Variants in AGTPBP1 observed in about 807,000 individuals in gnomAD.
The protein encoded by AGTPBP1 is cytosolic carboxypeptidase 1.
A neutral mutation model predicts 143.9 loss-of-function variants in AGTPBP1; 70 were observed. The observed-to-expected ratio is 0.49, with a 90% CI of 0.40 to 0.59. The LOEUF (loss-of-function observed/expected upper bound fraction) is 0.59, where lower values mean the gene tolerates loss of function less well. AGTPBP1 is among the 20% of genes least tolerant of loss of function. AGTPBP1 has a pLI of 0.00. For synonymous variants in AGTPBP1, 463 were observed against 500.2 expected (o/e 0.93, Z 0.99); for missense variants, 1,229 against 1,464.5 (o/e 0.84, Z 2.62).
upstream of AGTPBP1, among the ~76,000 whole-genome samples, chr9:85,745,658 G>A (rs571769446): frequency 3.5e-4 from 54 of 152,152 alleles, no homozygotes; most frequent in Non-Finnish European, 6.2e-4. Context: ...GTGGCAAATG[G>A]TTTCCATGGT....
the AGTPBP1 span, among the ~76,000 whole-genome samples, chr9:85,771,305 A>C: frequency 6.6e-6 from 1 of 152,118 alleles, no homozygotes; most frequent in African/African-American, 2.4e-5. Context: ...TTGAGATCCT[A>C]TCTTTACAAA....
the AGTPBP1 span, among the ~76,000 whole-genome samples, chr9:85,757,899 C>CA: frequency 1.3e-5 from 2 of 151,980 alleles, no homozygotes; most frequent in African/African-American, 2.4e-5. Flanking sequence ...TGTGATAAGT[C>CA]AAAAAAACTC....
At chr9:85,697,373 C>T (rs1013203924) in intron 2 of AGTPBP1, among the ~76,000 whole-genome samples, 21 of 136,022 alleles carry the variant, frequency 1.5e-4, no homozygotes, top group African/African-American at 6.1e-4. Context: ...ATATGTTATG[C>T]AGTGGGTTTA....
chr9:85,648,798 C>T (rs556158215), intron 11 of AGTPBP1, among the ~76,000 whole-genome samples: 4 of 151,846 alleles, frequency 2.6e-5, no homozygotes, highest in Admixed American at 6.6e-5. Flanking sequence ...GGCAACAGTG[C>T]GAGACTCCGT....
At chr9:85,791,505 A>G in the AGTPBP1 span, 1 of 152,166 alleles carries the variant, frequency 6.6e-6, no homozygotes, top group African/African-American at 2.4e-5. Context: ...TCCCACAATG[A>G]TCCAGGATTC....
At chr9:85,555,097 G>T (rs894020618) in intron 25 of AGTPBP1, among the ~76,000 whole-genome samples, 1 of 152,136 alleles carries the variant, frequency 6.6e-6, no homozygotes, top group Non-Finnish European at 1.5e-5. Context: ...AACGAATGTG[G>T]CAGATGCAAC....
chr9:85,596,290 A>G, intron 18 of AGTPBP1, 72 bp downstream of exon 18: 1 of 1,031,600 alleles, frequency 9.7e-7, no homozygotes, highest in Non-Finnish European at 1.4e-6. Flanking sequence ...GTTTCCTTTT[A>G]CACTGAAACA....
the AGTPBP1 span, among the ~76,000 whole-genome samples, chr9:85,758,553 A>G: frequency 2.0e-5 from 3 of 152,158 alleles, no homozygotes; most frequent in East Asian, 1.9e-4. Context: ...CTGAGGCAGG[A>G]GAATCACTTG....
intron 23 of AGTPBP1, among the ~76,000 whole-genome samples, chr9:85,583,206 C>A (rs572080942): frequency 1.3e-5 from 2 of 152,138 alleles, no homozygotes; most frequent in African/African-American, 4.8e-5. Flanking sequence ...ACCCAGTGAG[C>A]GCTACCTTCG....
the AGTPBP1 span, among the ~76,000 whole-genome samples, chr9:85,782,016 A>T: frequency 1.3e-5 from 2 of 152,238 alleles, no homozygotes; most frequent in Admixed American, 1.3e-4. Context: ...CATTTTATAA[A>T]AGAATTAGCT....
At chr9:85,567,293 T>C (rs751824746) in intron 25 of AGTPBP1, among the ~76,000 whole-genome samples, 18 of 152,274 alleles carry the variant, frequency 1.2e-4, no homozygotes, top group East Asian at 3.9e-4. Flanking sequence ...CCATAGGATA[T>C]ACAAGAAAAT....
intron 3 of AGTPBP1, among the ~76,000 whole-genome samples, chr9:85,682,215 T>C (rs992981391): frequency 1.3e-5 from 2 of 150,288 alleles, no homozygotes; most frequent in Admixed American, 6.6e-5. Context: ...TTATTTCTAT[T>C]AGGTGAAGGT....
intron 13 of AGTPBP1, among the ~76,000 whole-genome samples, chr9:85,636,498 T>A (rs1343911979): frequency 6.6e-6 from 1 of 151,838 alleles, no homozygotes; most frequent in Non-Finnish European, 1.5e-5. Flanking sequence ...GACTTTGTGA[T>A]CCCCCCTCTT....
chr9:85,712,039 G>A (rs1837412420), intron 2 of AGTPBP1, among the ~76,000 whole-genome samples: 2 of 152,108 alleles, frequency 1.3e-5, no homozygotes, highest in African/African-American at 2.4e-5. Context: ...CAAGGCGGGT[G>A]GATCACCTGA....
intron 3 of AGTPBP1, among the ~76,000 whole-genome samples, chr9:85,691,314 G>T (rs1835859360): frequency 6.6e-6 from 1 of 151,858 alleles, no homozygotes; most frequent in Admixed American, 6.6e-5. Context: ...TAAATATAAG[G>T]GTCTATGACC....
rs1175979006 is a variant in AGTPBP1 at position 85,741,534 on chromosome 9, T to A, written c.-34+241A>T. Reference sequence around the variant, plus strand: ...GGGGATCCACCGAGGGTCCGGGGACTGGGGAAGGCGTTTTCCAGACCCAGT... The same window carrying A: ...GGGGATCCACCGAGGGTCCGGGGACAGGGGAAGGCGTTTTCCAGACCCAGT... On this transcript the variant is annotated intron_variant, in intron 1 of 25. Transcript: ENST00000357081. The A allele has an allele frequency of 2.0e-6, 2 of 985,256 alleles. 1 individual carries two copies. The highest frequency in any genetic ancestry group is 9.4e-5 in the South Asian group (2 of 21,292). 61.0% of individuals were successfully genotyped at this position (985,256 alleles called of 1,614,324 possible). A position where few individuals can be genotyped will look rare whatever the true frequency, so the allele number is the denominator to read the frequency against.
At chr9:85,725,319 T>G (rs1441140726) in intron 1 of AGTPBP1, among the ~76,000 whole-genome samples, 1 of 152,156 alleles carries the variant, frequency 6.6e-6, no homozygotes, top group Non-Finnish European at 1.5e-5. Flanking sequence ...AAAAAAAAAT[T>G]TTTTTAACTT....
chr9:85,689,232 G>T (rs1329580965), intron 3 of AGTPBP1, among the ~76,000 whole-genome samples: 3 of 152,036 alleles, frequency 2.0e-5, no homozygotes, highest in African/African-American at 4.8e-5. Flanking sequence ...GTGTGCTAAA[G>T]GGCAGAGACT....
At chr9:85,637,674 C>T (rs1832161391) in intron 13 of AGTPBP1, among the ~76,000 whole-genome samples, 1 of 152,098 alleles carries the variant, frequency 6.6e-6, no homozygotes, top group Non-Finnish European at 1.5e-5. Flanking sequence ...CTACAAGGGG[C>T]CCAAGGAGAC....
Sources: gnomAD v4.1 joint callset for allele counts (sites outside exome capture counted in the v4.1 genomes callset) on GRCh38, gnomAD v4.1.1 for gene constraint, MANE v1.5 for transcripts, NCBI Gene and HGNC (gene_info 2026-07-23, HGNC 2026-07-21) for gene names.